HS3ST4: variants seen among roughly 807,000 people sequenced by gnomAD.
HS3ST4 encodes heparan sulfate-glucosamine 3-sulfotransferase 4, also known as heparan sulfate glucosamine 3-O-sulfotransferase 4.
In HS3ST4, 17 loss-of-function variants were observed where a neutral mutation model predicts 29.2. The observed-to-expected ratio is 0.58, with a 90% CI of 0.40 to 0.87. HS3ST4 has a LOEUF of 0.87. Ranked by LOEUF, HS3ST4 falls within the 40% of genes least tolerant of loss-of-function variation. The pLI is 0.00. For missense variants in HS3ST4, 627 were observed against 634.5 expected, an observed-to-expected ratio of 0.99 and a Z score of 0.13; for synonymous variants, 314 against 285.7, an observed-to-expected ratio of 1.10 and a Z score of -1.00.
chr16:25,708,341 T>C (rs902267967), intron 1 of HS3ST4, among the ~76,000 whole-genome samples: 2 of 152,148 alleles, frequency 1.3e-5, no homozygotes, highest in Non-Finnish European at 2.9e-5. Flanking sequence ...CAGTAAACAA[T>C]AAGCAAGTAT....
intron 1 of HS3ST4, among the ~76,000 whole-genome samples, chr16:26,116,039 G>A (rs543745613): frequency 1.3e-5 from 2 of 152,308 alleles, no homozygotes; most frequent in African/African-American, 2.4e-5. Flanking sequence ...CTGCTTCAGG[G>A]TCTCTTACAA....
intron 1 of HS3ST4, among the ~76,000 whole-genome samples, chr16:25,765,978 G>A (rs17718150): frequency 0.019 from 2,865 of 152,090 alleles, 150 homozygotes; most frequent in East Asian, 0.15. Context: ...GTTAGGGAGC[G>A]GTCCCAGAAG....
chr16:26,131,714 G>A (rs957125942), intron 1 of HS3ST4, among the ~76,000 whole-genome samples: 12 of 152,214 alleles, frequency 7.9e-5, no homozygotes, highest in Admixed American at 6.5e-5. Flanking sequence ...TGGTTTGGAA[G>A]TAGTTACTGG....
At chr16:26,051,841 CTT>C (rs1191202490) in intron 1 of HS3ST4, among the ~76,000 whole-genome samples, 2 of 150,122 alleles carry the variant, frequency 1.3e-5, no homozygotes, top group Non-Finnish European at 3.0e-5. Context: ...CCTCCCGTCT[CTT>C]TCTCTCTTTC....
At chr16:25,768,049 G>A (rs1179142066) in intron 1 of HS3ST4, among the ~76,000 whole-genome samples, 1 of 152,152 alleles carries the variant, frequency 6.6e-6, no homozygotes, top group East Asian at 1.9e-4. Context: ...TACAGGGGGT[G>A]GCAGGGGAGT....
intron 1 of HS3ST4, among the ~76,000 whole-genome samples, chr16:25,800,330 A>G (rs1431292352): frequency 6.6e-6 from 1 of 151,458 alleles, no homozygotes; most frequent in Non-Finnish European, 1.5e-5. Flanking sequence ...TATCTTGTCT[A>G]TTTTTCTGTT....
chr16:26,033,446 C>T (rs1302797612), intron 1 of HS3ST4, among the ~76,000 whole-genome samples: 2 of 146,614 alleles, frequency 1.4e-5, no homozygotes, highest in African/African-American at 2.5e-5. Flanking sequence ...ACCTGGGAGG[C>T]GGAGATTGCA....
intron 1 of HS3ST4, among the ~76,000 whole-genome samples, chr16:25,888,588 G>T (rs567542166): frequency 1.3e-5 from 2 of 152,218 alleles, no homozygotes; most frequent in African/African-American, 2.4e-5. Flanking sequence ...TGAGGGCAGG[G>T]TGCTGCTCTG....
rs768979945 is a variant in HS3ST4 at position 26,135,902 on chromosome 16, A to T, written c.1025A>T (p.Asn342Ile). Reference sequence around the variant, plus strand: ...GGGATCTATGCGCTGCATCTGGAAAACTGGCTCCAGTATTTCCCCCTCTCC... The same window carrying T: ...GGGATCTATGCGCTGCATCTGGAAATCTGGCTCCAGTATTTCCCCCTCTCC... ...RIGIYALHLE[N>I]WLQYFPLSQI... The change falls in exon 2 of 2, where the codon AAC (asparagine) becomes ATC (isoleucine). Residue 342 changes from asparagine to isoleucine, a missense_variant. By Grantham distance (149) the Asn-to-Ile change is moderately radical. Around this residue, in one of 2 missense-constraint regions of HS3ST4, gnomAD observed 225 missense variants for 293.7 expected, o/e 0.77. Coordinates refer to ENST00000331351, the MANE Select transcript of HS3ST4 (RefSeq NM_006040.3). 4.3e-6 allele frequency: 7 copies of T among 1,613,852 alleles called. No individual in the cohort carries two copies. The Admixed American group carries it at 1.2e-4, about 27-fold the overall frequency.
At chr16:25,887,578 G>A (rs1316204102) in intron 1 of HS3ST4, among the ~76,000 whole-genome samples, 3 of 151,994 alleles carry the variant, frequency 2.0e-5, no homozygotes, top group Non-Finnish European at 2.9e-5. Flanking sequence ...ACTGGGAGCC[G>A]CCTTCCCACA....
At chr16:25,819,340 C>T (rs1351134169) in intron 1 of HS3ST4, among the ~76,000 whole-genome samples, 2 of 152,266 alleles carry the variant, frequency 1.3e-5, no homozygotes, top group East Asian at 3.9e-4. Flanking sequence ...CATCTCAGTC[C>T]TCAAAGGGTC....
At chr16:25,881,865 T>C (rs1967899317) in intron 1 of HS3ST4, among the ~76,000 whole-genome samples, 1 of 146,530 alleles carries the variant, frequency 6.8e-6, no homozygotes, top group Admixed American at 6.8e-5. Context: ...GACTATGAAA[T>C]TGATTTTATT....
At chr16:25,810,320 G>A (rs528494976) in intron 1 of HS3ST4, among the ~76,000 whole-genome samples, 3 of 152,244 alleles carry the variant, frequency 2.0e-5, no homozygotes, top group African/African-American at 4.8e-5. Context: ...TGGTGGAGAA[G>A]ATAGTTTGTA....
At chr16:26,067,476 G>A (rs528715179) in intron 1 of HS3ST4, among the ~76,000 whole-genome samples, 7 of 152,146 alleles carry the variant, frequency 4.6e-5, no homozygotes, top group African/African-American at 1.7e-4. Flanking sequence ...AATTGAGTTT[G>A]TGACCCTAAG....
chr16:26,132,088 G>A (rs746042555), intron 1 of HS3ST4, among the ~76,000 whole-genome samples: 1 of 152,170 alleles, frequency 6.6e-6, no homozygotes, highest in Non-Finnish European at 1.5e-5. Flanking sequence ...GCTATAAAGA[G>A]CTCTTTATGT....
At chr16:25,992,694 C>T (rs1317396482) in intron 1 of HS3ST4, among the ~76,000 whole-genome samples, 1 of 152,226 alleles carries the variant, frequency 6.6e-6, no homozygotes, top group Non-Finnish European at 1.5e-5. Context: ...GGCAAAGCCC[C>T]TTGGCGAAAC....
At chr16:26,114,413 C>T (rs1264971845) in intron 1 of HS3ST4, among the ~76,000 whole-genome samples, 5 of 152,150 alleles carry the variant, frequency 3.3e-5, no homozygotes, top group Non-Finnish European at 5.9e-5. Context: ...GCCAGGGACA[C>T]ATTAGTTCCC....
At chr16:25,805,195 C>T (rs1417910447) in intron 1 of HS3ST4, among the ~76,000 whole-genome samples, 2 of 152,194 alleles carry the variant, frequency 1.3e-5, no homozygotes, top group African/African-American at 4.8e-5. Context: ...AGATGCACGG[C>T]TGTAGCAAGC....
intron 1 of HS3ST4, among the ~76,000 whole-genome samples, chr16:25,911,579 T>G (rs1006063171): frequency 5.1e-5 from 7 of 136,836 alleles, no homozygotes; most frequent in Non-Finnish European, 1.1e-4. Context: ...CAATCATAGC[T>G]CACTGCAGCC....
Sources: allele counts gnomAD v4.1 joint callset (sites outside exome capture counted in the v4.1 genomes callset), GRCh38; gene constraint gnomAD v4.1.1; regional missense constraint gnomAD v4.1.1; transcripts MANE v1.5; gene names NCBI Gene and HGNC (gene_info 2026-07-23, HGNC 2026-07-21).